CLVS1: variants seen among roughly 807,000 people sequenced by gnomAD.
CLVS1 encodes clavesin-1.
CLVS1 carries 10 observed loss-of-function variants against 33.1 expected under a neutral mutation model. The observed-to-expected ratio is 0.30, with a 90% CI of 0.19 to 0.51. The LOEUF is 0.51. Ranked by LOEUF, CLVS1 falls within the 20% of genes least tolerant of loss-of-function variation. CLVS1 has a pLI of 0.97. For missense variants in CLVS1, 343 were observed against 433.4 expected (o/e 0.79, Z 1.85); for synonymous variants, 163 against 166.1 (o/e 0.98, Z 0.14).
intron 2 of CLVS1, among the ~76,000 whole-genome samples, chr8:61,310,606 A>G (rs1810797797): frequency 6.6e-6 from 1 of 152,198 alleles, no homozygotes; most frequent in Non-Finnish European, 1.5e-5. Context: ...CAAAAGACAA[A>G]TCCTGTTGCC....
At chr8:61,434,755 C>T (rs1368736340) in intron 3 of CLVS1, among the ~76,000 whole-genome samples, 1 of 152,150 alleles carries the variant, frequency 6.6e-6, no homozygotes, top group Non-Finnish European at 1.5e-5. Flanking sequence ...TCTCAGATAG[C>T]AGACTTCACA....
At chr8:61,253,896 G>T (rs1189542608) in intron 2 of CLVS1, among the ~76,000 whole-genome samples, 6 of 151,964 alleles carry the variant, frequency 3.9e-5, no homozygotes, top group Non-Finnish European at 7.4e-5. Flanking sequence ...TAGTTTGATT[G>T]TCTGAAGCCT....
chr8:61,256,240 C>T (rs768106105), intron 2 of CLVS1, among the ~76,000 whole-genome samples: 9 of 152,154 alleles, frequency 5.9e-5, no homozygotes, highest in Admixed American at 1.3e-4. Flanking sequence ...TTTAGCCAGG[C>T]GCGGTGGCTC....
At chr8:61,055,160 G>T (rs1335876151), upstream of CLVS1, among the ~76,000 whole-genome samples, 5 of 152,138 alleles carry the variant, frequency 3.3e-5, no homozygotes, top group Non-Finnish European at 7.3e-5. Flanking sequence ...TTTGACAGAA[G>T]CTAAAACGAA....
chr8:61,030,447 G>T, the CLVS1 span, among the ~76,000 whole-genome samples: 1 of 152,082 alleles, frequency 6.6e-6, no homozygotes, highest in Non-Finnish European at 1.5e-5. Flanking sequence ...ATAATTGTTT[G>T]GTTATAGGGA....
At chr8:61,429,081 C>T (rs1173685966) in intron 3 of CLVS1, among the ~76,000 whole-genome samples, 1 of 152,154 alleles carries the variant, frequency 6.6e-6, no homozygotes, top group Admixed American at 6.5e-5. Context: ...GCGCTGGCAT[C>T]TGGCAAGGAT....
intron 2 of CLVS1, among the ~76,000 whole-genome samples, chr8:61,177,973 G>A (rs112540509): frequency 6.6e-6 from 1 of 152,274 alleles, no homozygotes; most frequent in African/African-American, 2.4e-5. Context: ...CAGTAAGGGT[G>A]CAGAACTGTA....
intron 3 of CLVS1, among the ~76,000 whole-genome samples, chr8:61,400,962 A>G (rs1814724625): frequency 1.3e-5 from 2 of 151,798 alleles, no homozygotes; most frequent in Non-Finnish European, 1.5e-5. Context: ...TTTTGCAATG[A>G]TATTTATCAA....
intron 2 of CLVS1, among the ~76,000 whole-genome samples, chr8:61,341,602 A>G (rs1812031829): frequency 6.6e-6 from 1 of 152,158 alleles, no homozygotes; most frequent in African/African-American, 2.4e-5. Flanking sequence ...CTGGGAATGC[A>G]CACCTCCGTG....
chr8:61,234,109 A>AG (rs1357018487), intron 2 of CLVS1, among the ~76,000 whole-genome samples: 2 of 152,106 alleles, frequency 1.3e-5, no homozygotes, highest in Admixed American at 6.5e-5. Flanking sequence ...GTAGGAGGGT[A>AG]GGGGGGCCAG....
rs1804578253 is a variant in CLVS1 at position 61,500,309 on chromosome 8, A to ATGTC, written c.*769_*772dup. 1 of 152,156 alleles carries ATGTC rather than the reference A, an allele frequency of 6.6e-6. No individual in the cohort carries two copies. The highest frequency in any genetic ancestry group is 1.5e-5 in the Non-Finnish European group (1 of 68,034). The allele number at this position is 152,156 out of a possible 1,614,324, so 9.4% of individuals were successfully genotyped here. ...AGTGCAGCATGTGTCTGCAGAGGAGATGTCTCATGAAAATCACATGTCAGT... is the reference window on the plus strand; with the variant it reads ...AGTGCAGCATGTGTCTGCAGAGGAGATGTCTGTCTCATGAAAATCACATGTCAGT... On this transcript the variant is annotated 3_prime_UTR_variant, in exon 6 of 6. Transcript: ENST00000325897.
At chr8:61,444,907 G>T (rs919299365) in intron 3 of CLVS1, among the ~76,000 whole-genome samples, 1 of 152,136 alleles carries the variant, frequency 6.6e-6, no homozygotes, top group African/African-American at 2.4e-5. Flanking sequence ...GAGCATAGGA[G>T]CCCAAAGGAG....
intron 5 of CLVS1, among the ~76,000 whole-genome samples, chr8:61,464,316 G>A (rs1442256479): frequency 6.6e-6 from 1 of 152,152 alleles, no homozygotes. Flanking sequence ...AATGTTGAAT[G>A]AATATTATTA....
At chr8:61,480,116 A>T (rs1216285889) in intron 5 of CLVS1, among the ~76,000 whole-genome samples, 1 of 152,222 alleles carries the variant, frequency 6.6e-6, no homozygotes, top group African/African-American at 2.4e-5. Context: ...AAGCTGTCAG[A>T]CGGGGACATT....
chr8:61,381,441 A>G (rs75458341), intron 3 of CLVS1, among the ~76,000 whole-genome samples: 1,835 of 151,942 alleles, frequency 0.012, 30 homozygotes, highest in African/African-American at 0.042. Flanking sequence ...TTTTCCTTTC[A>G]ACTTTTATTT....
At chr8:61,427,454 G>C (rs923429518) in intron 3 of CLVS1, among the ~76,000 whole-genome samples, 2 of 152,216 alleles carry the variant, frequency 1.3e-5, no homozygotes, top group African/African-American at 4.8e-5. Flanking sequence ...TTTAGAAAGT[G>C]AGAGGATGGG....
At chr8:61,408,056 A>G (rs748093109) in intron 3 of CLVS1, among the ~76,000 whole-genome samples, 2 of 152,234 alleles carry the variant, frequency 1.3e-5, no homozygotes, top group Non-Finnish European at 2.9e-5. Flanking sequence ...AAAGTCAGAC[A>G]CCGGTCCAGG....
chr8:60,999,136 G>C, the CLVS1 span, among the ~76,000 whole-genome samples: 59 of 152,292 alleles, frequency 3.9e-4, no homozygotes, highest in African/African-American at 1.3e-3. Context: ...TCACTCTAAA[G>C]CCAGCTCAGA....
chr8:61,420,689 G>T (rs769214111), intron 3 of CLVS1, among the ~76,000 whole-genome samples: 2 of 151,960 alleles, frequency 1.3e-5, no homozygotes, highest in Non-Finnish European at 2.9e-5. Flanking sequence ...AACATATGCG[G>T]CCAGGCACGG....
Sources: allele counts gnomAD v4.1 joint callset (sites outside exome capture counted in the v4.1 genomes callset), GRCh38; gene constraint gnomAD v4.1.1; transcripts MANE v1.5; gene names NCBI Gene and HGNC (gene_info 2026-07-23, HGNC 2026-07-21).